Variants in TRAFD1 observed in about 807,000 individuals in gnomAD.
TRAFD1 encodes the protein TRAF-type zinc finger domain-containing protein 1.
Under a neutral mutation model 65.3 loss-of-function variants are expected in TRAFD1, and 38 were observed. The observed-to-expected ratio is 0.58, with a 90% CI of 0.45 to 0.76. The LOEUF (loss-of-function observed/expected upper bound fraction) is 0.76, where lower values mean the gene tolerates loss of function less well. Ranked by LOEUF, TRAFD1 falls within the 30% of genes least tolerant of loss-of-function variation. The pLI, the probability that TRAFD1 is intolerant of heterozygous loss-of-function variation, is 0.00. For synonymous variants in TRAFD1, 223 were observed against 257.2 expected, an observed-to-expected ratio of 0.87 and a Z score of 1.27; for missense variants, 631 against 712.6, an observed-to-expected ratio of 0.89 and a Z score of 1.30.
Position 112,137,491 on chromosome 12 carries a change from A to G in TRAFD1, c.237+2425A>G, listed in dbSNP as rs779597241. Among the ~76,000 whole-genome samples the G allele has an allele frequency of 1.1e-4, 16 of 151,776 alleles. No individual in the cohort carries two copies. The highest frequency in any genetic ancestry group is 1.7e-4 in the African/African-American group (7 of 41,312). Reference sequence around the variant, plus strand: ...TGATCTTCATTTCTTGGCTGGGCGCAGTGGCTCACGCCTGTAATCCCAGCA... The same window carrying G: ...TGATCTTCATTTCTTGGCTGGGCGCGGTGGCTCACGCCTGTAATCCCAGCA... On this transcript the variant is annotated intron_variant, in intron 4 of 11. Transcript: ENST00000412615. This position sits in a 1 kb window ranked among gnomAD's most constrained non-coding sequence, Gnocchi z 4.2.
intron 9 of TRAFD1, among the ~76,000 whole-genome samples, chr12:112,150,761 C>T (rs2030382300): frequency 6.6e-6 from 1 of 151,018 alleles, no homozygotes; most frequent in Admixed American, 6.6e-5. Flanking sequence ...TGGGGTTTCG[C>T]CACATTGTCC....
intron 5 of TRAFD1, 191 bp from the exon 6 acceptor site, chr12:112,141,898 G>GC (rs1484602432): frequency 2.9e-5 from 17 of 592,474 alleles, no homozygotes; most frequent in Non-Finnish European, 4.2e-5. Flanking sequence ...TAATAATGGA[G>GC]CCTTTTCACA....
rs1566049695 is a variant in TRAFD1 at position 112,142,298 on chromosome 12, AG to A, written c.850+5del. 1 of 1,610,550 alleles carries A rather than the reference AG, an allele frequency of 6.2e-7. No homozygotes were observed. The highest frequency in any genetic ancestry group is 8.5e-7 in the Non-Finnish European group (1 of 1,177,096). On this transcript the variant is annotated splice_donor_region_variant and intron_variant, in intron 6 of 11. Coordinates refer to ENST00000412615, the MANE Select transcript of TRAFD1 (RefSeq NM_006700.3). ...CAGGTCTCTCAGTGACATAAAGGGT[AG>A]GCTTGCTTATTCTGCACTAGCCTCT...
chr12:112,150,723 G>A (rs1424380053), intron 9 of TRAFD1, among the ~76,000 whole-genome samples: 1 of 151,524 alleles, frequency 6.6e-6, no homozygotes, highest in Non-Finnish European at 1.5e-5. Flanking sequence ...AACACACCCA[G>A]CTAATTTTTA....
intron 4 of TRAFD1, among the ~76,000 whole-genome samples, chr12:112,135,825 GTTTTTTTTTT>G (rs753306363): frequency 7.6e-6 from 1 of 131,596 alleles, no homozygotes; most frequent in African/African-American, 2.8e-5. Flanking sequence ...CTGGCCAAAG[GTTTTTTTTTT>G]TTTTTTTTTA....
intron 1 of TRAFD1, among the ~76,000 whole-genome samples, chr12:112,126,844 T>G (rs1243311061): frequency 6.6e-6 from 1 of 152,040 alleles, no homozygotes; most frequent in African/African-American, 2.4e-5. Context: ...AGTAGAGACT[T>G]GGTTTTGCCA....
intron 8 of TRAFD1, among the ~76,000 whole-genome samples, chr12:112,149,086 C>T (rs1169777582): frequency 4.0e-5 from 6 of 151,850 alleles, no homozygotes; most frequent in Non-Finnish European, 8.8e-5. Context: ...GATGTGGTGG[C>T]GGGCACCTGT....
intron 4 of TRAFD1, among the ~76,000 whole-genome samples, chr12:112,139,948 G>C (rs888512137): frequency 1.3e-5 from 2 of 152,126 alleles, no homozygotes; most frequent in Non-Finnish European, 2.9e-5. Context: ...GTTGTAGTGA[G>C]CTGAGATTGC....
chr12:112,150,570 AT>A (rs1219872246), intron 9 of TRAFD1, among the ~76,000 whole-genome samples: 2 of 151,166 alleles, frequency 1.3e-5, no homozygotes, highest in East Asian at 1.9e-4. Context: ...TATTTAATTT[AT>A]TTTTTTTAGA....
chr12:112,151,649 C>T (rs367732369), intron 9 of TRAFD1, 152 bp from the exon 10 acceptor site: 121 of 686,870 alleles, frequency 1.8e-4, no homozygotes, highest in African/African-American at 2.2e-4. Context: ...CCCCGCACCT[C>T]GGCCTCCCAA....
chr12:112,131,633 C>T (rs1157533271), intron 2 of TRAFD1, among the ~76,000 whole-genome samples: 2 of 152,190 alleles, frequency 1.3e-5, no homozygotes, highest in Non-Finnish European at 2.9e-5. Flanking sequence ...AATTTGCTAG[C>T]CCTTCCTTGA....
intron 6 of TRAFD1, among the ~76,000 whole-genome samples, chr12:112,144,901 A>G (rs2136978415): frequency 6.6e-6 from 1 of 152,296 alleles, no homozygotes; most frequent in South Asian, 2.1e-4. Flanking sequence ...ATGTAAAAAT[A>G]GAAACATAAA....
intron 3 of TRAFD1, 45 bp downstream of exon 3, chr12:112,134,918 C>T: frequency 6.2e-7 from 1 of 1,611,694 alleles, no homozygotes; most frequent in South Asian, 1.1e-5. Flanking sequence ...GTTATACTTG[C>T]TGTTGTTCGT....
At chr12:112,140,687 A>G (rs2030060705) in intron 4 of TRAFD1, 132 bp from the exon 5 acceptor site, 2 of 1,073,586 alleles carry the variant, frequency 1.9e-6, no homozygotes, top group Non-Finnish European at 2.6e-6. Context: ...AATTAAATAC[A>G]TTAAAAAAGG....
intron 2 of TRAFD1, among the ~76,000 whole-genome samples, chr12:112,134,380 C>T (rs112149805): frequency 6.0e-4 from 90 of 149,538 alleles, no homozygotes; most frequent in Non-Finnish European, 1.1e-3. Flanking sequence ...CTCAGCCTCC[C>T]GAGTAGCTGG....
intron 7 of TRAFD1, among the ~76,000 whole-genome samples, chr12:112,146,819 C>T (rs2136979846): frequency 6.6e-6 from 1 of 152,238 alleles, no homozygotes; most frequent in East Asian, 1.9e-4. Context: ...CACCACTAGG[C>T]TGATTTCCCT....
rs564181544 is a variant in TRAFD1, at chr12:112,136,073, G to A, written c.237+1007G>A. 6.6e-5 allele frequency among the ~76,000 whole-genome samples: 10 copies of A among 150,758 alleles called. No individual in the cohort carries two copies. The South Asian group carries it at 2.1e-3, about 32-fold the overall frequency. ...GAATCCGGAAGGCAGAGGTTGCAGT[G>A]AGCCGAGATCGCGCCACTGCACTCC... On this transcript the variant is annotated intron_variant, in intron 4 of 11. Transcript: ENST00000412615.
intron 4 of TRAFD1, among the ~76,000 whole-genome samples, chr12:112,136,166 C>T (rs1182477190): frequency 1.3e-5 from 2 of 150,914 alleles, no homozygotes; most frequent in South Asian, 2.1e-4. Flanking sequence ...CAGGTGTTGT[C>T]TCTATTGCTG....
chr12:112,137,395 A>G lies in TRAFD1; in HGVS notation c.237+2329A>G, dbSNP rs1043778261. ...TCCTTGCAGGAACAGTTGCTGGCAG[A>G]AGGGCTGTGTCTACAGCCCATGTGG... On this transcript the variant is annotated intron_variant, in intron 4 of 11. Coordinates refer to ENST00000412615, the MANE Select transcript of TRAFD1 (RefSeq NM_006700.3). This position sits in a 1 kb window ranked among gnomAD's most constrained non-coding sequence, Gnocchi z 4.2. Among the ~76,000 whole-genome samples, 1 of 152,230 alleles carries G rather than the reference A, an allele frequency of 6.6e-6. No individual in the cohort carries two copies. The highest frequency in any genetic ancestry group is 1.5e-5 in the Non-Finnish European group (1 of 68,038).
Sources: gnomAD v4.1 joint callset for allele counts (sites outside exome capture counted in the v4.1 genomes callset) on GRCh38, gnomAD v4.1.1 for gene constraint, Gnocchi (gnomAD v3.1) non-coding constraint, MANE v1.5 for transcripts, NCBI Gene and HGNC (gene_info 2026-07-23, HGNC 2026-07-21) for gene names.